The following MEI4 variants were observed in gnomAD, a reference collection of about 807,000 sequenced individuals.
The protein encoded by MEI4 is meiotic double-stranded break formation protein 4.
MEI4 carries 27 observed loss-of-function variants against 31.4 expected under a neutral mutation model. The observed-to-expected ratio is 0.86, with a 90% confidence interval of 0.63 to 1.19. The LOEUF (loss-of-function observed/expected upper bound fraction) is 1.19, where lower values mean the gene tolerates loss of function less well. Ranked by LOEUF, MEI4 falls within the 50% of genes most tolerant of loss-of-function variation. MEI4 has a pLI of 0.00. For missense variants in MEI4, 329 were observed against 398.9 expected (o/e 0.82, Z 1.49); for synonymous variants, 122 against 145.4 (o/e 0.84, Z 1.16).
intron 3 of MEI4, among the ~76,000 whole-genome samples, chr6:77,771,158 T>C (rs1248408449): frequency 6.6e-6 from 1 of 152,020 alleles, no homozygotes; most frequent in Non-Finnish European, 1.5e-5. Context: ...AAAGAAGACA[T>C]ACATGTGGCT....
At chr6:77,772,010 C>A (rs1263831729) in intron 3 of MEI4, among the ~76,000 whole-genome samples, 1 of 151,744 alleles carries the variant, frequency 6.6e-6, no homozygotes, top group Non-Finnish European at 1.5e-5. Flanking sequence ...ATACATCATT[C>A]TTTTTGTGAC....
intron 2 of MEI4, among the ~76,000 whole-genome samples, chr6:77,756,616 T>C (rs1767925042): frequency 6.8e-6 from 1 of 146,406 alleles, no homozygotes; most frequent in Non-Finnish European, 1.5e-5. Flanking sequence ...TCCCTCCCTC[T>C]CTCTCTCCCT....
chr6:77,842,466 TATAAG>T (rs1196363672), intron 4 of MEI4, among the ~76,000 whole-genome samples: 5 of 152,084 alleles, frequency 3.3e-5, no homozygotes, highest in African/African-American at 1.2e-4. Flanking sequence ...AAATCAATAA[TATAAG>T]AAACTAGAAT....
At chr6:77,867,323 C>A (rs1294265874) in intron 4 of MEI4, among the ~76,000 whole-genome samples, 1 of 152,200 alleles carries the variant, frequency 6.6e-6, no homozygotes, top group African/African-American at 2.4e-5. Flanking sequence ...GCAATCTACT[C>A]ATCTGACAAA....
chr6:77,907,694 A>G (rs1458129986), intron 4 of MEI4, among the ~76,000 whole-genome samples: 2 of 152,088 alleles, frequency 1.3e-5, no homozygotes, highest in South Asian at 2.1e-4. Context: ...CTAGTTCTAG[A>G]TCCCTGAGGA....
chr6:77,673,492 G>A (rs1428288839), intron 1 of MEI4, among the ~76,000 whole-genome samples: 2 of 152,196 alleles, frequency 1.3e-5, no homozygotes, highest in African/African-American at 4.8e-5. Flanking sequence ...CCTCTCTTCT[G>A]AAGGCTAGGG....
chr6:77,691,600 A>G (rs1285931735), intron 2 of MEI4, among the ~76,000 whole-genome samples: 1 of 152,104 alleles, frequency 6.6e-6, no homozygotes, highest in Non-Finnish European at 1.5e-5. Flanking sequence ...TGTAAGGCAA[A>G]GAAGCGATGG....
chr6:77,794,313 C>T (rs1241201269), intron 3 of MEI4, among the ~76,000 whole-genome samples: 9 of 152,130 alleles, frequency 5.9e-5, no homozygotes, highest in Non-Finnish European at 1.2e-4. Flanking sequence ...CCTGTAATCC[C>T]AGCACTTTGG....
intron 4 of MEI4, among the ~76,000 whole-genome samples, chr6:77,897,715 C>T (rs953908632): frequency 1.3e-5 from 2 of 151,856 alleles, no homozygotes; most frequent in African/African-American, 2.4e-5. Context: ...CAGATAATGG[C>T]CATTATCTGT....
intron 3 of MEI4, among the ~76,000 whole-genome samples, chr6:77,794,676 C>T (rs1486861470): frequency 1.3e-5 from 2 of 151,790 alleles, no homozygotes; most frequent in Non-Finnish European, 2.9e-5. Flanking sequence ...CATCAGAACC[C>T]CACTTTCAAC....
In MEI4 at chr6:77,848,276, G is replaced by A. The variant is rs1402297631; in HGVS notation, c.900+19214G>A. Among the ~76,000 whole-genome samples, 3 of 152,118 alleles carry A rather than the reference G, an allele frequency of 2.0e-5. 1 individual carries two copies. The South Asian group carries it at 6.2e-4, about 31-fold the overall frequency. ...TTTTAGAACTGGAACACTTCTAGTT[G>A]TTAGTGTAGAGTAGGTATGAAGTTC... On this transcript the variant is annotated intron_variant, in intron 4 of 4. Coordinates refer to ENST00000684080, the MANE Select transcript of MEI4 (RefSeq NM_001322247.2).
At chr6:77,890,397 G>A (rs1337705618) in intron 4 of MEI4, among the ~76,000 whole-genome samples, 1 of 152,138 alleles carries the variant, frequency 6.6e-6, no homozygotes, top group African/African-American at 2.4e-5. Context: ...GATTTGCATG[G>A]GGCCTGTAGC....
intron 4 of MEI4, among the ~76,000 whole-genome samples, chr6:77,913,545 C>T (rs1362909971): frequency 1.3e-5 from 2 of 151,966 alleles, no homozygotes; most frequent in Non-Finnish European, 2.9e-5. Flanking sequence ...ATTTATTTAT[C>T]TCCTCGAGAT....
chr6:77,863,737 A>G (rs1420278628), intron 4 of MEI4, among the ~76,000 whole-genome samples: 2 of 152,194 alleles, frequency 1.3e-5, no homozygotes, highest in Non-Finnish European at 2.9e-5. Context: ...GAATGCCACA[A>G]AGATACTCCT....
intron 3 of MEI4, among the ~76,000 whole-genome samples, chr6:77,763,039 A>G (rs73459422): frequency 0.012 from 1,822 of 152,204 alleles, 18 homozygotes; most frequent in Non-Finnish European, 0.02. Flanking sequence ...TATCAGAATT[A>G]CTGAATGATG....
chr6:77,907,916 T>A (rs941833865), intron 4 of MEI4, among the ~76,000 whole-genome samples: 12 of 152,164 alleles, frequency 7.9e-5, no homozygotes, highest in Non-Finnish European at 1.6e-4. Flanking sequence ...CGAGCGTGTT[T>A]TCATTTGTCT....
intron 3 of MEI4, among the ~76,000 whole-genome samples, chr6:77,798,321 T>C (rs996196555): frequency 2.0e-5 from 3 of 151,278 alleles, no homozygotes; most frequent in Non-Finnish European, 4.4e-5. Context: ...ATTCAAACAA[T>C]TAAATACTTA....
chr6:77,654,013 C>T (rs1768344081), intron 1 of MEI4, among the ~76,000 whole-genome samples: 1 of 152,170 alleles, frequency 6.6e-6, no homozygotes, highest in Non-Finnish European at 1.5e-5. Flanking sequence ...GTAAATAGTT[C>T]AGGCTTTGCA....
chr6:77,812,597 A>G (rs2127705365), intron 3 of MEI4, among the ~76,000 whole-genome samples: 1 of 152,234 alleles, frequency 6.6e-6, no homozygotes, highest in East Asian at 1.9e-4. Flanking sequence ...TGGGTGATAC[A>G]AAGTTTGACT....
Sources: gnomAD v4.1 joint callset for allele counts (sites outside exome capture counted in the v4.1 genomes callset) on GRCh38, gnomAD v4.1.1 for gene constraint, MANE v1.5 for transcripts, NCBI Gene and HGNC (gene_info 2026-07-23, HGNC 2026-07-21) for gene names.